Variants in COBLL1 observed in about 807,000 individuals in gnomAD.
The protein encoded by COBLL1 is cordon-bleu protein-like 1.
In COBLL1, 50 loss-of-function variants were observed where a neutral mutation model predicts 94.8. The ratio of observed to expected loss-of-function variants is 0.53; its 90% CI spans 0.42 to 0.67. COBLL1 has a LOEUF of 0.67. COBLL1 is among the 30% of genes least tolerant of loss of function. The pLI, the probability that COBLL1 is intolerant of heterozygous loss-of-function variation, is 0.00. For missense variants in COBLL1, 1,362 were observed against 1,348.7 expected, an observed-to-expected ratio of 1.01 and a Z score of -0.15; for synonymous variants, 448 against 473.8, an observed-to-expected ratio of 0.95 and a Z score of 0.71.
intron 2 of COBLL1, among the ~76,000 whole-genome samples, chr2:164,781,336 C>T (rs1688715604): frequency 6.6e-6 from 1 of 152,166 alleles, no homozygotes; most frequent in African/African-American, 2.4e-5. Flanking sequence ...TGGAGAGAGG[C>T]TGGAACAGTT....
At chr2:164,702,227 G>A (rs570153654) in intron 9 of COBLL1, among the ~76,000 whole-genome samples, 2 of 152,050 alleles carry the variant, frequency 1.3e-5, no homozygotes, top group East Asian at 1.9e-4. Context: ...ATGTGTCTAC[G>A]ATAGCATATT....
At chr2:164,750,339 C>T (rs968814757) in intron 2 of COBLL1, among the ~76,000 whole-genome samples, 2 of 152,144 alleles carry the variant, frequency 1.3e-5, no homozygotes, top group African/African-American at 4.8e-5. Flanking sequence ...CCACTAACCA[C>T]CCAGTTAACT....
intron 2 of COBLL1, among the ~76,000 whole-genome samples, chr2:164,794,603 T>C (rs1189490695): frequency 6.6e-6 from 1 of 152,120 alleles, no homozygotes; most frequent in Non-Finnish European, 1.5e-5. Flanking sequence ...AGGGATGACC[T>C]AGCAAATTTT....
chr2:164,808,002 T>A (rs1468349027), intron 2 of COBLL1, among the ~76,000 whole-genome samples: 1 of 152,098 alleles, frequency 6.6e-6, no homozygotes, highest in Non-Finnish European at 1.5e-5. Flanking sequence ...GTACTTTTAG[T>A]AGAGTTGGGG....
chr2:164,807,491 A>T (rs1249278593), intron 2 of COBLL1, among the ~76,000 whole-genome samples: 1 of 151,290 alleles, frequency 6.6e-6, no homozygotes, highest in Non-Finnish European at 1.5e-5. Context: ...TTGTCAAATC[A>T]TTAATTACTA....
intron 2 of COBLL1, among the ~76,000 whole-genome samples, chr2:164,756,289 G>A (rs1459906355): frequency 6.6e-6 from 1 of 152,078 alleles, no homozygotes; most frequent in African/African-American, 2.4e-5. Context: ...TTGTGGTGAG[G>A]AAAAGTTTAA....
chr2:164,822,072 G>A (rs762863483), intron 2 of COBLL1, among the ~76,000 whole-genome samples: 19 of 152,046 alleles, frequency 1.2e-4, no homozygotes, highest in African/African-American at 4.3e-4. Context: ...TAATACCCAC[G>A]AGCCTAGGTA....
chr2:164,795,555 C>T (rs1683405526), intron 2 of COBLL1, among the ~76,000 whole-genome samples: 1 of 152,070 alleles, frequency 6.6e-6, no homozygotes, highest in South Asian at 2.1e-4. Flanking sequence ...TTATTTCTCT[C>T]CAGGATCGTA....
chr2:164,839,742 G>A (rs1422919317), intron 2 of COBLL1, among the ~76,000 whole-genome samples: 3 of 152,092 alleles, frequency 2.0e-5, no homozygotes, highest in Non-Finnish European at 4.4e-5. Context: ...TAATTTTGCA[G>A]CTCCACTTAG....
At chr2:164,786,794 G>A (rs978585214) in intron 2 of COBLL1, among the ~76,000 whole-genome samples, 1 of 152,014 alleles carries the variant, frequency 6.6e-6, no homozygotes, top group Admixed American at 6.6e-5. Flanking sequence ...TTCTTGAACT[G>A]CTAATTCCCA....
Position 164,841,107 on chromosome 2 carries a change from G to C in COBLL1, c.41+49C>G. 8.1e-7 allele frequency: 1 copy of C among 1,228,302 alleles called. No homozygotes were observed. The highest frequency in any genetic ancestry group is 1.0e-6 in the Non-Finnish European group (1 of 985,526). The allele number at this position is 1,228,302 out of a possible 1,614,324, so 76.1% of individuals were successfully genotyped here. On this transcript the variant is annotated intron_variant, in intron 2 of 13. Transcript: ENST00000652658. The surrounding 1 kb of genome is among the most constrained non-coding windows in gnomAD (Gnocchi z 5.5). ...AAACGGCCGAGGCCTCGCTGTCCTC[G>C]CCGGCCTCGCCCTCCCCGGTGAGAG...
At position 164,818,332 on chromosome 2, in the gene COBLL1, A is replaced by G. The variant is rs1559045987; in HGVS notation, c.41+22824T>C. On this transcript the variant is annotated intron_variant, in intron 2 of 13. Transcript: ENST00000652658. ...CATATACACGTGTGTATGTATACAT[A>G]TATGTATATATACATATGTGCATAT... 4.1e-5 allele frequency among the ~76,000 whole-genome samples: 6 copies of G among 146,256 alleles called. No individual in the cohort carries two copies. In the South Asian group the frequency reaches 1.3e-3, roughly 31 times the overall value.
chr2:164,780,754 G>A (rs1158611643), intron 2 of COBLL1, among the ~76,000 whole-genome samples: 2 of 152,142 alleles, frequency 1.3e-5, no homozygotes, highest in Non-Finnish European at 2.9e-5. Context: ...CCTGGGTGGT[G>A]CTGCCGGAGT....
chr2:164,775,109 C>G (rs1282645031), intron 2 of COBLL1, among the ~76,000 whole-genome samples: 1 of 151,730 alleles, frequency 6.6e-6, no homozygotes, highest in Admixed American at 6.6e-5. Context: ...TGAGCTGAGA[C>G]TGTGCCACTG....
At chr2:164,697,329 AATT>A (rs1684008650) in intron 11 of COBLL1, 1 of 152,102 alleles carries the variant, frequency 6.6e-6, no homozygotes, top group Non-Finnish European at 1.5e-5. Context: ...CTCAATGACC[AATT>A]ATTATTAACT....
At chr2:164,840,267 A>G (rs146725319) in intron 2 of COBLL1, among the ~76,000 whole-genome samples, 26 of 151,670 alleles carry the variant, frequency 1.7e-4, no homozygotes, top group African/African-American at 4.6e-4. Flanking sequence ...AAAATAAACT[A>G]TGTTGGAGGA....
At chr2:164,784,165 T>A (rs987243357) in intron 2 of COBLL1, among the ~76,000 whole-genome samples, 1 of 152,162 alleles carries the variant, frequency 6.6e-6, no homozygotes, top group African/African-American at 2.4e-5. Flanking sequence ...CATTTCAAAG[T>A]ATTCACAGCA....
chr2:164,686,289 A>G (rs1032660930), intron 13 of COBLL1, among the ~76,000 whole-genome samples: 2 of 152,178 alleles, frequency 1.3e-5, no homozygotes, highest in African/African-American at 4.8e-5. Flanking sequence ...AAATCAACAC[A>G]AAGGACAAGA....
chr2:164,801,734 A>G (rs1683817600), intron 2 of COBLL1, among the ~76,000 whole-genome samples: 1 of 152,194 alleles, frequency 6.6e-6, no homozygotes, highest in South Asian at 2.1e-4. Flanking sequence ...GCTGCCACAC[A>G]GTTTTCTATT....
Sources: allele counts gnomAD v4.1 joint callset (sites outside exome capture counted in the v4.1 genomes callset), GRCh38; gene constraint gnomAD v4.1.1; non-coding constraint Gnocchi (gnomAD v3.1); transcripts MANE v1.5; gene names NCBI Gene and HGNC (gene_info 2026-07-23, HGNC 2026-07-21).